TFDP2: variants seen among roughly 807,000 people sequenced by gnomAD.
TFDP2 encodes transcription factor Dp-2.
A neutral mutation model predicts 59.3 loss-of-function variants in TFDP2; 17 were observed. The ratio of observed to expected loss-of-function variants is 0.29; its 90% CI spans 0.20 to 0.43. TFDP2 has a LOEUF of 0.43. TFDP2 is among the 20% of genes least tolerant of loss of function. The pLI, the probability that TFDP2 is intolerant of heterozygous loss-of-function variation, is 1.00. For missense variants in TFDP2, 391 were observed against 528.8 expected (o/e 0.74, Z 2.56); for synonymous variants, 180 against 194.7 (o/e 0.92, Z 0.63).
Position 142,061,552 on chromosome 3 carries a change from G to C in TFDP2, c.82+31509C>G, listed in dbSNP as rs925641066. Among the ~76,000 whole-genome samples, 3 of 151,802 alleles carry C rather than the reference G, an allele frequency of 2.0e-5. No individual in the cohort carries two copies. In the East Asian group the frequency reaches 5.8e-4, roughly 29 times the overall value. ...GAGGGGCATCATCCAACCTGTTGAG[G>C]GCCCAAAGAGAACAAAAAGGCAACA... On this transcript the variant is annotated intron_variant, in intron 3 of 12. Transcript: ENST00000489671.
At chr3:142,031,441 C>T (rs1946428951) in intron 3 of TFDP2, among the ~76,000 whole-genome samples, 1 of 152,170 alleles carries the variant, frequency 6.6e-6, no homozygotes, top group South Asian at 2.1e-4. Context: ...TCTCTGGTCT[C>T]AAATTCTTTA....
chr3:142,007,481 T>C (rs1944312121), intron 3 of TFDP2, among the ~76,000 whole-genome samples: 1 of 152,244 alleles, frequency 6.6e-6, no homozygotes, highest in Non-Finnish European at 1.5e-5. Context: ...CCAACCGTTT[T>C]AGCACCAGGA....
rs1250095753 is a variant in TFDP2, at chr3:141,985,214, G to A, written c.357-6532C>T. On this transcript the variant is annotated intron_variant, in intron 6 of 12. Coordinates refer to ENST00000489671, the MANE Select transcript of TFDP2 (RefSeq NM_001178139.2). The stretch of plus-strand genomic sequence containing the variant: ...GAAAAATTAAAATAACTGTAAAAAT[G>A]TTATAAAAATAAATGTCAAAAATCC... Among the ~76,000 whole-genome samples the A allele has an allele frequency of 3.3e-5, 5 of 152,124 alleles. No homozygotes were observed. The East Asian group carries it at 9.7e-4, about 29-fold the overall frequency.
chr3:142,013,220 C>T (rs538238977), intron 3 of TFDP2, among the ~76,000 whole-genome samples: 1 of 150,628 alleles, frequency 6.6e-6, no homozygotes, highest in South Asian at 2.1e-4. Context: ...GCTACTAAAA[C>T]AAGTTGAAGA....
intron 3 of TFDP2, among the ~76,000 whole-genome samples, chr3:142,020,369 A>G (rs925852226): frequency 1.3e-5 from 2 of 152,122 alleles, no homozygotes; most frequent in African/African-American, 2.4e-5. Flanking sequence ...CCCTGCCTCT[A>G]CTAAAAATAT....
intron 1 of TFDP2, among the ~76,000 whole-genome samples, chr3:142,135,931 T>C (rs1164254408): frequency 6.6e-6 from 1 of 152,074 alleles, no homozygotes; most frequent in African/African-American, 2.4e-5. Context: ...GTGATGAGAT[T>C]GCTGGGTCAA....
intron 3 of TFDP2, among the ~76,000 whole-genome samples, chr3:142,080,839 CA>C (rs2060616260): frequency 2.0e-5 from 3 of 152,118 alleles, no homozygotes; most frequent in African/African-American, 7.2e-5. Context: ...ATATATAAAG[CA>C]AATATTACTG....
chr3:142,045,174 A>G (rs944938232), intron 3 of TFDP2, among the ~76,000 whole-genome samples: 5 of 125,000 alleles, frequency 4.0e-5, no homozygotes, highest in African/African-American at 1.4e-4. Flanking sequence ...TTTTTTTGAG[A>G]CGGAGTTTCA....
chr3:142,053,252 G>T (rs1157486412), intron 3 of TFDP2, among the ~76,000 whole-genome samples: 1 of 152,150 alleles, frequency 6.6e-6, no homozygotes, highest in Non-Finnish European at 1.5e-5. Flanking sequence ...GGGCCTGATG[G>T]GGGTGTTTGG....
intron 1 of TFDP2, among the ~76,000 whole-genome samples, chr3:142,123,434 A>G (rs1457185835): frequency 1.3e-5 from 2 of 151,724 alleles, no homozygotes; most frequent in African/African-American, 4.8e-5. Context: ...GCGCCCAGCA[A>G]TTTTTGTATT....
At position 141,949,150 on chromosome 3, in the gene TFDP2, C is replaced by CTGGCATTATTTTTCAAATA; in HGVS notation, c.*3344_*3362dup. On this transcript the variant is annotated 3_prime_UTR_variant, in exon 13 of 13. Transcript: ENST00000489671. ...GCTACCTTGTTTTCAAGGACTGACTCTGGCATTATTTTTCAAATATGGCAG... is the reference window on the plus strand; with the variant it reads ...GCTACCTTGTTTTCAAGGACTGACTCTGGCATTATTTTTCAAATATGGCATTATTTTTCAAATATGGCAG... 1 of 151,494 alleles carries CTGGCATTATTTTTCAAATA rather than the reference C, an allele frequency of 6.6e-6. No homozygotes were observed. The allele number at this position is 151,494 out of a possible 1,614,324, so 9.4% of individuals were successfully genotyped here.
intron 3 of TFDP2, among the ~76,000 whole-genome samples, chr3:142,063,028 T>C (rs1306697438): frequency 6.6e-6 from 1 of 152,230 alleles, no homozygotes; most frequent in African/African-American, 2.4e-5. Flanking sequence ...CTTCTAGATA[T>C]GAGTGCTGGC....
At chr3:141,970,025 G>T (rs1939471831) in intron 9 of TFDP2, 48 bp downstream of exon 9, 1 of 1,554,196 alleles carries the variant, frequency 6.4e-7, no homozygotes, top group Non-Finnish European at 8.9e-7. Flanking sequence ...CCAAAAGGCA[G>T]CAAGTGGAGA....
At chr3:142,021,631 C>A (rs182504939) in intron 3 of TFDP2, among the ~76,000 whole-genome samples, 1 of 152,294 alleles carries the variant, frequency 6.6e-6, no homozygotes, top group Non-Finnish European at 1.5e-5. Context: ...TAGCTCCCTC[C>A]TTTTCTTGTA....
chr3:141,993,562 A>C lies in TFDP2; in HGVS notation c.332T>G (p.Phe111Cys), dbSNP rs780950582. ...VPGDRKRARK[F>C]IDSDFSESKR... ...CCTTTCTGAAAAATCAGAGTCTATA[A>C]ATTTTCTAGCCCGTTTTCTATCACT... is the stretch of plus-strand genomic sequence containing the variant. Residue 111 changes from phenylalanine (F) to cysteine (C), a missense_variant, in exon 6 of 13, where the codon TTT (phenylalanine) becomes TGT (cysteine). Around this residue, in one of 3 missense-constraint regions of TFDP2, gnomAD observed 162 missense variants for 206.8 expected, o/e 0.78. Transcript: ENST00000489671. 5.1e-6 allele frequency: 8 copies of C among 1,580,528 alleles called. No individual in the cohort carries two copies. Among genetic ancestry groups the C allele is most frequent in the Non-Finnish European group, 6.9e-6 (8 of 1,157,374 alleles).
chr3:142,099,896 T>C (rs1427021037), intron 2 of TFDP2, among the ~76,000 whole-genome samples: 1 of 152,160 alleles, frequency 6.6e-6, no homozygotes, highest in Non-Finnish European at 1.5e-5. Context: ...ATTCCTCTTC[T>C]AATTAAACAG....
intron 9 of TFDP2, among the ~76,000 whole-genome samples, chr3:141,968,461 T>C (rs1474150222): frequency 4.4e-5 from 4 of 90,622 alleles, no homozygotes; most frequent in Non-Finnish European, 8.1e-5. Context: ...ATCTCATATA[T>C]AGATATATAT....
At chr3:142,060,422 C>A (rs933548576) in intron 3 of TFDP2, among the ~76,000 whole-genome samples, 1 of 152,068 alleles carries the variant, frequency 6.6e-6, no homozygotes, top group Non-Finnish European at 1.5e-5. Flanking sequence ...AAGAGAAAAA[C>A]CCAACAGTAG....
chr3:142,118,334 G>T (rs1030930919), intron 1 of TFDP2, among the ~76,000 whole-genome samples: 1 of 152,132 alleles, frequency 6.6e-6, no homozygotes, highest in Non-Finnish European at 1.5e-5. Flanking sequence ...CAAATGTACT[G>T]CAAAGTCAGA....
Sources: allele counts gnomAD v4.1 joint callset (sites outside exome capture counted in the v4.1 genomes callset), GRCh38; gene constraint gnomAD v4.1.1; regional missense constraint gnomAD v4.1.1; transcripts MANE v1.5; gene names NCBI Gene and HGNC (gene_info 2026-07-23, HGNC 2026-07-21).